Variants in ATP13A3 observed in about 807,000 individuals in gnomAD.
ATP13A3 encodes the protein polyamine-transporting ATPase 13A3.
ATP13A3 carries 59 observed loss-of-function variants against 158.1 expected under a neutral mutation model. That is an observed-to-expected ratio of 0.37 (90% CI 0.30 to 0.46). The LOEUF is 0.46. Among genes scored for constraint, ATP13A3 ranks in the 20% least tolerant of loss-of-function variants. The probability of loss-of-function intolerance (pLI) is 1.00; values close to 1 mark genes in which losing one functional copy is unlikely to be tolerated. For missense variants in ATP13A3, 1,166 were observed against 1,525.2 expected, an observed-to-expected ratio of 0.76 and a Z score of 3.92; for synonymous variants, 491 against 504.3, an observed-to-expected ratio of 0.97 and a Z score of 0.35.
Position 194,437,885 on chromosome 3 carries a change from C to T in ATP13A3, c.1828-312G>A, listed in dbSNP as rs752796102. On this transcript the variant is annotated intron_variant, in intron 17 of 33. Coordinates refer to ENST00000645319, the MANE Select transcript of ATP13A3 (RefSeq NM_001367549.1). ...ATTAAAAAATAATAGGCTGGCTGGG[C>T]GCAGTGGCTCACCCCTGTAATCCCA... Among the ~76,000 whole-genome samples the T allele has an allele frequency of 7.9e-5, 12 of 152,154 alleles. No homozygotes were observed. In the East Asian group the frequency reaches 1.5e-3, roughly 20 times the overall value.
intron 14 of ATP13A3, among the ~76,000 whole-genome samples, chr3:194,445,278 C>T (rs1321368236): frequency 6.6e-6 from 1 of 152,118 alleles, no homozygotes; most frequent in Non-Finnish European, 1.5e-5. Context: ...GCAATTGTTA[C>T]ATGTTAATTG....
intron 2 of ATP13A3, among the ~76,000 whole-genome samples, chr3:194,468,913 T>C (rs1720160880): frequency 6.6e-6 from 1 of 152,130 alleles, no homozygotes; most frequent in East Asian, 1.9e-4. Context: ...GCGGGTGGAA[T>C]GCCTGAGGTC....
intron 2 of ATP13A3, among the ~76,000 whole-genome samples, chr3:194,465,747 T>C (rs1307077230): frequency 1.3e-5 from 2 of 152,036 alleles, no homozygotes; most frequent in Non-Finnish European, 2.9e-5. Flanking sequence ...GCAGATCACC[T>C]GAGGCCAAAA....
chr3:194,471,324 T>TAAAAAAAAAAAAAAAA (rs59967046), intron 2 of ATP13A3, among the ~76,000 whole-genome samples: 81 of 87,802 alleles, frequency 9.2e-4, no homozygotes, highest in Non-Finnish European at 1.5e-3. Flanking sequence ...CAGCAAATTC[T>TAAAAAAAAAAAAAAAA]AAAAAAAAAA....
intron 9 of ATP13A3, 45 bp from the exon 10 acceptor site, chr3:194,453,823 C>A: frequency 6.7e-7 from 1 of 1,481,780 alleles, no homozygotes; most frequent in Non-Finnish European, 9.3e-7. Context: ...TATGAACCCA[C>A]TCCTCAGGAA....
intron 30 of ATP13A3, among the ~76,000 whole-genome samples, 179 bp downstream of exon 30, chr3:194,425,163 T>C (rs901196898): frequency 4.6e-5 from 7 of 152,254 alleles, no homozygotes; most frequent in Admixed American, 4.6e-4. Flanking sequence ...GCTTGAACTT[T>C]AAACTTAGGG....
In ATP13A3 at chr3:194,459,987, G is replaced by A. The variant is rs1208966078; in HGVS notation, c.226-16C>T. 1.3e-6 allele frequency: 2 copies of A among 1,595,922 alleles called. No individual in the cohort carries two copies. Among genetic ancestry groups the A allele is most frequent in the East Asian group, 2.2e-5 (1 of 44,564 alleles). ...TGAATTCATCCTTAAAGAGAGAAAG[G>A]GATAACGGTAAGGAGTCAATTTTAT... On this transcript the variant is annotated splice_polypyrimidine_tract_variant and intron_variant, in intron 4 of 33. Coordinates refer to ENST00000645319, the MANE Select transcript of ATP13A3 (RefSeq NM_001367549.1).
At chr3:194,472,818 T>TA (rs1425374881) in intron 2 of ATP13A3, among the ~76,000 whole-genome samples, 10 of 152,162 alleles carry the variant, frequency 6.6e-5, no homozygotes, top group Non-Finnish European at 1.3e-4. Flanking sequence ...TATGCAGCCA[T>TA]AAAAAATAAT....
intron 15 of ATP13A3, among the ~76,000 whole-genome samples, chr3:194,443,787 A>G (rs1241807743): frequency 1.3e-5 from 2 of 152,156 alleles, no homozygotes; most frequent in Non-Finnish European, 2.9e-5. Flanking sequence ...AACAGAAACA[A>G]AAGTAAAGAG....
In ATP13A3 at chr3:194,448,374, A is replaced by G. The variant is rs1202589002; in HGVS notation, c.1150+83T>C. 1 of 1,510,132 alleles carries G rather than the reference A, an allele frequency of 6.6e-7. No homozygotes were observed. 93.5% of individuals were successfully genotyped at this position (1,510,132 alleles called of 1,614,324 possible). ...ATTACAGGCGTTAGCCACAGCACCC[A>G]GCCCAGAATCTCTTTTTAAACATTT... On this transcript the variant is annotated intron_variant, in intron 12 of 33. Coordinates refer to ENST00000645319, the MANE Select transcript of ATP13A3 (RefSeq NM_001367549.1). The surrounding 1 kb of genome is among the most constrained non-coding windows in gnomAD (Gnocchi z 4.0).
intron 16 of ATP13A3, among the ~76,000 whole-genome samples, chr3:194,439,698 C>T (rs918154508): frequency 3.9e-5 from 6 of 152,154 alleles, no homozygotes; most frequent in African/African-American, 1.2e-4. Context: ...TATCATATGA[C>T]ACCAATCACA....
chr3:194,412,088 C>A, intron 33 of ATP13A3, 111 bp downstream of exon 33: 1 of 819,432 alleles, frequency 1.2e-6, no homozygotes, highest in Non-Finnish European at 1.9e-6. Flanking sequence ...AGAACAAGAA[C>A]ACGCTAGAGA....
At chr3:194,476,475 T>C (rs1294495712) in intron 2 of ATP13A3, among the ~76,000 whole-genome samples, 2 of 152,134 alleles carry the variant, frequency 1.3e-5, no homozygotes, top group Non-Finnish European at 2.9e-5. Context: ...TGAGTATGAG[T>C]TGCCTAAAAA....
rs748572547 is a variant in ATP13A3 at position 194,425,428 on chromosome 3, A to C, written c.3227T>G (p.Val1076Gly). ...GTACTGAAAACTGGAAATAAAAAAC[A>C]CTGTGGTATTTTCATAATTTTGTAT... ...HNIQNYENTTVFFISSFQYLI... is the reference protein window; with the variant it reads ...HNIQNYENTTGFFISSFQYLI... Residue 1076 changes from valine (V) to glycine (G), a missense_variant, in exon 30 of 34, where the codon GTG becomes GGG. Val to Gly is a moderately radical substitution (Grantham distance 109). Transcript: ENST00000645319. 1 of 1,613,306 alleles carries C rather than the reference A, an allele frequency of 6.2e-7. No homozygotes were observed. Among genetic ancestry groups the C allele is most frequent in the Non-Finnish European group, 8.5e-7 (1 of 1,179,410 alleles).
At chr3:194,439,436 A>T (rs950068766) in intron 16 of ATP13A3, among the ~76,000 whole-genome samples, 1 of 152,248 alleles carries the variant, frequency 6.6e-6, no homozygotes, top group African/African-American at 2.4e-5. Flanking sequence ...AAGCACAAAG[A>T]TATGAGTTTA....
At chr3:194,455,990 T>C (rs1029962973) in intron 7 of ATP13A3, 28 bp from the exon 8 acceptor site, 1 of 1,320,076 alleles carries the variant, frequency 7.6e-7, no homozygotes, top group Middle Eastern at 1.9e-4. Flanking sequence ...ATTCATAGTA[T>C]TACATTATAT....
chr3:194,463,019 T>C (rs558215826), intron 2 of ATP13A3, among the ~76,000 whole-genome samples: 2 of 152,330 alleles, frequency 1.3e-5, no homozygotes, highest in South Asian at 4.1e-4. Context: ...CACTGTAGCA[T>C]AGTAAAGAGC....
At chr3:194,430,886 CT>C in intron 24 of ATP13A3, 56 bp downstream of exon 24, 2 of 1,346,180 alleles carry the variant, frequency 1.5e-6, no homozygotes, top group South Asian at 3.0e-5. Flanking sequence ...TTTTCTGATG[CT>C]GAAATGAAAC....
chr3:194,492,267 T>C (rs922559676), intron 2 of ATP13A3, among the ~76,000 whole-genome samples: 2 of 152,102 alleles, frequency 1.3e-5, no homozygotes, highest in African/African-American at 4.8e-5. Flanking sequence ...ATCTATTCTT[T>C]CCCTTCCCTT....
Sources: gnomAD v4.1 joint callset for allele counts (sites outside exome capture counted in the v4.1 genomes callset) on GRCh38, gnomAD v4.1.1 for gene constraint, Gnocchi (gnomAD v3.1) non-coding constraint, MANE v1.5 for transcripts, NCBI Gene and HGNC (gene_info 2026-07-23, HGNC 2026-07-21) for gene names.